The following KIAA1210 variants were observed in gnomAD, a reference collection of about 807,000 sequenced individuals.
The protein encoded by KIAA1210 is KIAA1210.
Under a neutral mutation model 78.9 loss-of-function variants are expected in KIAA1210, and 48 were observed. The observed-to-expected ratio is 0.61, with a 90% CI of 0.48 to 0.77. The LOEUF (loss-of-function observed/expected upper bound fraction) is 0.77. Ranked by LOEUF, KIAA1210 falls within the 30% of genes least tolerant of loss-of-function variation. The pLI is 0.00. For synonymous variants in KIAA1210, 406 were observed against 404.5 expected (o/e 1.00, Z -0.04); for missense variants, 1,108 against 1,100.0 (o/e 1.01, Z -0.10).
In KIAA1210 at chrX:119,123,499, G is replaced by A. The variant is rs191209606; in HGVS notation, c.61+83C>T. On this transcript the variant is annotated intron_variant, in intron 2 of 11. Coordinates refer to ENST00000691062, the MANE Select transcript of KIAA1210 (RefSeq NM_001394962.1). ...TAATGATCTGAACTTGTTTTCTTGT[G>A]CCTTGCTTCTTTGTCCTAGGAGCTA... 7.6e-5 allele frequency: 53 copies of A among 695,920 alleles called. No homozygotes were observed. In the African/African-American group the frequency reaches 1.1e-3, roughly 15 times the overall value. 57.4% of individuals were successfully genotyped at this position (695,920 alleles called of 1,213,427 possible).
Position 119,135,404 on chromosome X carries a change from A to C in KIAA1210, c.411-11752T>G, listed in dbSNP as rs375089993. Among the ~76,000 whole-genome samples, 31 of 112,118 alleles carry C rather than the reference A, an allele frequency of 2.8e-4. No homozygotes were observed. In the East Asian group the frequency reaches 8.3e-3, roughly 30 times the overall value. On this transcript the variant is annotated intron_variant, in intron 2 of 13. Transcript: ENST00000402510. ...CCCACTAGATACATATATTGTGATG[A>C]GGGATCTTAAGGGAGATAGGTCTGC...
At chrX:119,081,708 G>A (rs1275358660) in intron 11 of KIAA1210, among the ~76,000 whole-genome samples, 1 of 112,152 alleles carries the variant, frequency 8.9e-6, no homozygotes, top group Non-Finnish European at 1.9e-5. Context: ...TGTCAAAGGG[G>A]TAAAATCAAC....
At chrX:119,117,179 C>T (rs1021356433) in intron 2 of KIAA1210, among the ~76,000 whole-genome samples, 3 of 112,227 alleles carry the variant, frequency 2.7e-5, no homozygotes, top group South Asian at 3.7e-4. Flanking sequence ...TCCTAGCCTG[C>T]GTGCTCAAAG....
chrX:119,134,763 A>G (rs1199360115), intron 2 of KIAA1210, among the ~76,000 whole-genome samples: 1 of 112,350 alleles, frequency 8.9e-6, no homozygotes, highest in Non-Finnish European at 1.9e-5. Flanking sequence ...GTGAACATGC[A>G]AAGAACTTGG....
rs1174362090 is a variant in KIAA1210 at position 119,079,063 on chromosome X, A to T, written c.*2266T>A. The T allele has an allele frequency of 8.9e-6, 1 of 112,853 alleles. No homozygotes were observed. Among genetic ancestry groups the T allele is most frequent in the Non-Finnish European group, 1.9e-5 (1 of 53,399 alleles). The allele number at this position is 112,853 out of a possible 1,213,427, so 9.3% of individuals were successfully genotyped here. The stretch of plus-strand genomic sequence containing the variant: ...ATAAAATTCACTCAATCAAAATAGC[A>T]TTATCAAAATGGCAAAGGCACAGTA... On this transcript the variant is annotated 3_prime_UTR_variant, in exon 12 of 12. Transcript: ENST00000691062.
chrX:119,133,886 G>A (rs1928853033), intron 2 of KIAA1210, among the ~76,000 whole-genome samples: 1 of 109,892 alleles, frequency 9.1e-6, no homozygotes, highest in African/African-American at 3.3e-5. Flanking sequence ...ACATATTTAT[G>A]GGGTACATGT....
rs772974850 is a variant in KIAA1210, at chrX:119,116,478, C to G, written c.230+18G>C. On this transcript the variant is annotated intron_variant, in intron 3 of 11. Transcript: ENST00000691062. ...CTCTTCCCCTGTCCCCATCACTCTC[C>G]ACCGCATCTGAGCTCACCTGGCCTT... The G allele has an allele frequency of 8.3e-6, 10 of 1,205,398 alleles. No individual in the cohort carries two copies. The highest frequency in any genetic ancestry group is 1.1e-5 in the Non-Finnish European group (10 of 892,675).
rs144721833 is a variant in KIAA1210 at position 119,088,327 on chromosome X, T to C, written c.2375A>G (p.Lys792Arg). 1.8e-3 allele frequency: 2,203 copies of C among 1,209,066 alleles called. 24 individuals are homozygous for C. The African/African-American group carries it at 0.032, about 18-fold the overall frequency. Residue 792 changes from lysine (K) to arginine (R), a missense_variant, in exon 9 of 12, where the codon AAG becomes AGG. Lys to Arg is a conservative substitution (Grantham distance 26). Transcript: ENST00000691062. ...KVEQEVSSSP[K>R]SMAVEESISM... ...AATGCTCTCTTCAACAGCCATGCTC[T>C]TTGGAGATGAGGAAACTTCTTGCTC...
chrX:119,124,717 C>T (rs1928571141), intron 1 of KIAA1210, among the ~76,000 whole-genome samples: 1 of 110,990 alleles, frequency 9.0e-6, no homozygotes. Context: ...GGCAAAACCT[C>T]ATCTCTACAA....
At chrX:119,094,043 G>A in intron 7 of KIAA1210, 1 of 1,209,208 alleles carries the variant, frequency 8.3e-7, no homozygotes, top group Non-Finnish European at 1.1e-6. Context: ...CACACTGCAG[G>A]GATCCCTCTA....
At position 119,087,135 on chromosome X, in the gene KIAA1210, C is replaced by A; in HGVS notation, c.3567G>T (p.Leu1189=). The change falls in exon 9 of 12, where the codon CTG becomes CTT. Residue 1189 remains leucine (L), a synonymous_variant. Coordinates refer to ENST00000691062, the MANE Select transcript of KIAA1210 (RefSeq NM_001394962.1). ...PVKQSSGEKH[L]PSSSPFQQQV... ...GTTGCTGGAAAGGACTACTTGAAGG[C>A]AGGTGCTTCTCACCGCTGCTCTGCT... 8.3e-7 allele frequency: 1 copy of A among 1,211,622 alleles called. No individual in the cohort carries two copies. Among genetic ancestry groups the A allele is most frequent in the Non-Finnish European group, 1.1e-6 (1 of 895,220 alleles).
intron 2 of KIAA1210, among the ~76,000 whole-genome samples, chrX:119,138,210 T>TG (rs1928960053): frequency 2.5e-5 from 2 of 80,961 alleles, no homozygotes; most frequent in African/African-American, 4.9e-5. Context: ...TTGGTTTGGT[T>TG]GTTTTTTTTT....
intron 5 of KIAA1210, 143 bp downstream of exon 5, chrX:119,108,194 T>C: frequency 5.8e-6 from 3 of 517,882 alleles, no homozygotes; most frequent in Non-Finnish European, 9.7e-6. Flanking sequence ...TTATACCCAC[T>C]GTAGATGAGG....
At chrX:119,108,571 G>A in intron 4 of KIAA1210, 100 bp from the exon 5 acceptor site, 1 of 1,005,967 alleles carries the variant, frequency 9.9e-7, no homozygotes. Flanking sequence ...TGTGTTAAGA[G>A]AAGTGAATAT....
chrX:119,120,486 A>C (rs1336193489), intron 2 of KIAA1210, among the ~76,000 whole-genome samples: 1 of 112,165 alleles, frequency 8.9e-6, no homozygotes, highest in Non-Finnish European at 1.9e-5. Context: ...CTGGATAAAA[A>C]CATGTCTAAT....
chrX:119,100,287 G>A (rs1230317438), intron 6 of KIAA1210, among the ~76,000 whole-genome samples: 2 of 97,079 alleles, frequency 2.1e-5, no homozygotes, highest in East Asian at 6.6e-4. Context: ...CCGAAATTGT[G>A]CCACCGCACT....
chrX:119,109,151 C>G lies in KIAA1210; in HGVS notation c.282G>C (p.Met94Ile). 2 of 1,206,927 alleles carry G rather than the reference C, an allele frequency of 1.7e-6. No individual in the cohort carries two copies. Among genetic ancestry groups the G allele is most frequent in the South Asian group, 1.8e-5 (1 of 56,180 alleles). The change falls in exon 4 of 12, where the codon ATG becomes ATC. Residue 94 changes from methionine to isoleucine, a missense_variant. By Grantham distance (10) the Met-to-Ile change is conservative. Coordinates refer to ENST00000691062, the MANE Select transcript of KIAA1210 (RefSeq NM_001394962.1). ...CTGATCTTTCAGGCTCAGGACCCAA[C>G]ATGAAGATGCTATCATGGGATAGGG... ...SKALSHDSIF[M>I]LGPEPERSAS...
chrX:119,127,871 C>T (rs989056104), upstream of KIAA1210, among the ~76,000 whole-genome samples: 6 of 111,691 alleles, frequency 5.4e-5, no homozygotes, highest in African/African-American at 1.6e-4. Flanking sequence ...TGATTGGCCA[C>T]GCCCTTCTTT....
intron 5 of KIAA1210, among the ~76,000 whole-genome samples, chrX:119,106,895 C>T (rs1015414934): frequency 1.1e-4 from 12 of 112,274 alleles, no homozygotes; most frequent in Admixed American, 1.0e-3. Flanking sequence ...CTGAATGTCA[C>T]TTAATCCATT....
Sources: allele counts gnomAD v4.1 joint callset (sites outside exome capture counted in the v4.1 genomes callset), GRCh38; gene constraint gnomAD v4.1.1; transcripts MANE v1.5; gene names NCBI Gene and HGNC (gene_info 2026-07-23, HGNC 2026-07-21).